Variants in STRIT1 observed in about 807,000 individuals in gnomAD.
STRIT1 encodes the protein sarcoplasmic/endoplasmic reticulum calcium ATPase regulator DWORF.
chr3:155,292,335 A>C (rs1324253884), intron 1 of STRIT1, among the ~76,000 whole-genome samples: 1 of 152,154 alleles, frequency 6.6e-6, no homozygotes, highest in Non-Finnish European at 1.5e-5. Flanking sequence ...GATAAAGCAA[A>C]CAACATGAGT....
At chr3:155,293,575 C>CTT (rs141586481) in intron 1 of STRIT1, 45 bp downstream of exon 1, 7 of 376,098 alleles carry the variant, frequency 1.9e-5, no homozygotes, top group Non-Finnish European at 2.8e-5. Context: ...GTCAAGAAGC[C>CTT]TTTTTTTTTT....
Position 155,290,512 on chromosome 3 carries a change from C to G in STRIT1, c.*339G>C, listed in dbSNP as rs2108434371. 6.9e-6 allele frequency: 1 copy of G among 145,586 alleles called. No homozygotes were observed. The highest frequency in any genetic ancestry group is 3.8e-3 in the Middle Eastern group (1 of 262). 9.0% of individuals were successfully genotyped at this position (145,586 alleles called of 1,614,324 possible). A position where few individuals can be genotyped will look rare whatever the true frequency, so the allele number is the denominator to read the frequency against. On this transcript the variant is annotated 3_prime_UTR_variant, in exon 3 of 3. Transcript: ENST00000489090. ...AAAGTGCTGGGATTACAGGCATGAGCCACCTTGCACAGCCTCAGCCCACTT... is the reference window on the plus strand; with the variant it reads ...AAAGTGCTGGGATTACAGGCATGAGGCACCTTGCACAGCCTCAGCCCACTT...
At chr3:155,291,945 T>G (rs1715648799) in intron 1 of STRIT1, among the ~76,000 whole-genome samples, 1 of 152,196 alleles carries the variant, frequency 6.6e-6, no homozygotes, top group East Asian at 1.9e-4. Flanking sequence ...TGTTAAGGAC[T>G]CAGATATATT....
At chr3:155,293,390 T>G (rs1715683944) in intron 1 of STRIT1, among the ~76,000 whole-genome samples, 1 of 152,120 alleles carries the variant, frequency 6.6e-6, no homozygotes, top group Non-Finnish European at 1.5e-5. Context: ...AAAATTAAGC[T>G]CTTTTCCTTT....
At chr3:155,290,887 G>C in intron 2 of STRIT1, 41 bp from the exon 3 acceptor site, 1 of 397,744 alleles carries the variant, frequency 2.5e-6, no homozygotes. Flanking sequence ...AGAAAAGATT[G>C]TTTCTGGAGT....
At chr3:155,293,268 A>G (rs186731743) in intron 1 of STRIT1, among the ~76,000 whole-genome samples, 11 of 152,206 alleles carry the variant, frequency 7.2e-5, no homozygotes, top group Non-Finnish European at 1.0e-4. Flanking sequence ...CTGCAAACTC[A>G]CATAGCCATT....
Position 155,293,619 on chromosome 3 carries a change from C to A in STRIT1, c.13+1G>T, listed in dbSNP as rs1371673387. ...AGAGAATCCTATGCCTTAAATCTTACCTTTTTCAGCCATTATTCCTGTTGG... is the reference window on the plus strand; with the variant it reads ...AGAGAATCCTATGCCTTAAATCTTAACTTTTTCAGCCATTATTCCTGTTGG... On this transcript the variant is annotated splice_donor_variant, in intron 1 of 2. Transcript: ENST00000489090. LOFTEE classifies it high-confidence loss of function. 2.5e-6 allele frequency: 1 copy of A among 393,870 alleles called. No homozygotes were observed. The highest frequency in any genetic ancestry group is 4.5e-6 in the Non-Finnish European group (1 of 224,136). 24.4% of individuals were successfully genotyped at this position (393,870 alleles called of 1,614,324 possible).
rs112294708 is a variant in STRIT1, at chr3:155,290,934, C to T, written c.*4+6G>A. 1 of 398,192 alleles carries T rather than the reference C, an allele frequency of 2.5e-6. No homozygotes were observed. 24.7% of individuals were successfully genotyped at this position (398,192 alleles called of 1,614,324 possible). A position where few individuals can be genotyped will look rare whatever the true frequency, so the allele number is the denominator to read the frequency against. On this transcript the variant is annotated splice_donor_region_variant and intron_variant, in intron 2 of 2. Coordinates refer to ENST00000489090, the MANE Select transcript of STRIT1 (RefSeq NM_001352129.2). The stretch of plus-strand genomic sequence containing the variant: ...TAAATAAACATTCAATTATTAAAAC[C>T]CTTACCTTTCTAAGAGAAGACAACA...
chr3:155,291,208 T>G, intron 1 of STRIT1, 170 bp from the exon 2 acceptor site: 1 of 378,660 alleles, frequency 2.6e-6, no homozygotes, highest in Non-Finnish European at 4.7e-6. Flanking sequence ...GAGACTGTCA[T>G]AAACCCTGGG....
At chr3:155,293,027 A>C (rs930260584) in intron 1 of STRIT1, among the ~76,000 whole-genome samples, 3 of 152,218 alleles carry the variant, frequency 2.0e-5, no homozygotes, top group African/African-American at 7.2e-5. Context: ...ATTCAAAGCA[A>C]AAATTCCTGT....
At chr3:155,291,589 G>A (rs1308996213) in intron 1 of STRIT1, among the ~76,000 whole-genome samples, 2 of 152,126 alleles carry the variant, frequency 1.3e-5, no homozygotes, top group African/African-American at 4.8e-5. Context: ...CAGGGAAAAG[G>A]AAAGTATCAT....
intron 1 of STRIT1, among the ~76,000 whole-genome samples, chr3:155,291,658 G>C (rs1302975337): frequency 2.0e-5 from 3 of 152,094 alleles, no homozygotes; most frequent in African/African-American, 7.2e-5. Flanking sequence ...AAATTGTTCA[G>C]TATAACAACC....
At chr3:155,290,894 G>C (rs1715619665) in intron 2 of STRIT1, 46 bp downstream of exon 2, 1 of 397,804 alleles carries the variant, frequency 2.5e-6, no homozygotes, top group Admixed American at 4.4e-5. Context: ...ATTGTTTCTG[G>C]AGTAATTTAG....
chr3:155,292,881 G>T (rs775839444), intron 1 of STRIT1, among the ~76,000 whole-genome samples: 1 of 152,110 alleles, frequency 6.6e-6, no homozygotes, highest in Non-Finnish European at 1.5e-5. Context: ...CTCTGGAAAA[G>T]ACTGTCCAGG....
chr3:155,293,203 G>A (rs1001924767), intron 1 of STRIT1, among the ~76,000 whole-genome samples: 1 of 152,062 alleles, frequency 6.6e-6, no homozygotes, highest in African/African-American at 2.4e-5. Flanking sequence ...AGATGCCTGA[G>A]CCCAATATTC....
At chr3:155,291,669 A>G (rs1267483842) in intron 1 of STRIT1, among the ~76,000 whole-genome samples, 1 of 152,190 alleles carries the variant, frequency 6.6e-6, no homozygotes, top group Non-Finnish European at 1.5e-5. Flanking sequence ...TATAACAACC[A>G]GCACTGAACC....
chr3:155,292,628 A>C (rs1421134683), intron 1 of STRIT1, among the ~76,000 whole-genome samples: 1 of 152,178 alleles, frequency 6.6e-6, no homozygotes, highest in Non-Finnish European at 1.5e-5. Context: ...TTTAACACCC[A>C]AAGTATACAT....
At chr3:155,292,161 A>G (rs1715653569) in intron 1 of STRIT1, among the ~76,000 whole-genome samples, 1 of 152,192 alleles carries the variant, frequency 6.6e-6, no homozygotes, top group Admixed American at 6.5e-5. Flanking sequence ...GTTGAAATAA[A>G]TTTTAATACT....
At chr3:155,292,920 C>T (rs1018003405) in intron 1 of STRIT1, among the ~76,000 whole-genome samples, 2 of 152,046 alleles carry the variant, frequency 1.3e-5, no homozygotes, top group Admixed American at 6.6e-5. Context: ...CACTCTTTAG[C>T]GATCATGAAC....
Sources: gnomAD v4.1 joint callset for allele counts (sites outside exome capture counted in the v4.1 genomes callset) on GRCh38, gnomAD v4.1.1 for gene constraint, MANE v1.5 for transcripts, NCBI Gene and HGNC (gene_info 2026-07-23, HGNC 2026-07-21) for gene names.